Variants in TRIM16 observed in about 807,000 individuals in gnomAD.
The protein encoded by TRIM16 is tripartite motif-containing protein 16.
In TRIM16, 33 loss-of-function variants were observed where a neutral mutation model predicts 50.4. The ratio of observed to expected loss-of-function variants is 0.65; its 90% CI spans 0.50 to 0.88. The LOEUF (loss-of-function observed/expected upper bound fraction) is 0.88, where lower values mean the gene tolerates loss of function less well. Ranked by LOEUF, TRIM16 falls within the 40% of genes least tolerant of loss-of-function variation. The pLI is 0.00. For missense variants in TRIM16, 581 were observed against 686.8 expected, an observed-to-expected ratio of 0.85 and a Z score of 1.72; for synonymous variants, 229 against 270.7, an observed-to-expected ratio of 0.85 and a Z score of 1.51.
At chr17:15,640,878 G>A (rs540033939) in intron 8 of TRIM16, among the ~76,000 whole-genome samples, 2 of 148,734 alleles carry the variant, frequency 1.3e-5, no homozygotes, top group African/African-American at 2.5e-5. Flanking sequence ...GCCCGCTCCC[G>A]ATGACCTCCA....
intron 4 of TRIM16, among the ~76,000 whole-genome samples, chr17:15,677,980 G>A (rs908601256): frequency 6.6e-6 from 1 of 152,170 alleles, no homozygotes. Context: ...CACTTTGGGA[G>A]GCCGAGGTGG....
intron 6 of TRIM16, among the ~76,000 whole-genome samples, chr17:15,655,365 C>T (rs1987924886): frequency 6.6e-6 from 1 of 152,152 alleles, no homozygotes; most frequent in Admixed American, 6.5e-5. Context: ...TCATTCCTTC[C>T]CTCCCTATCT....
chr17:15,652,807 C>T (rs1987790852), intron 6 of TRIM16, among the ~76,000 whole-genome samples: 1 of 151,990 alleles, frequency 6.6e-6, no homozygotes, highest in African/African-American at 2.4e-5. Context: ...TCTTCCTGAA[C>T]ATTCCAGTAA....
At position 15,651,583 on chromosome 17, in the gene TRIM16, T is replaced by C. The variant is rs746761186; in HGVS notation, c.27A>G (p.Pro9=). MAELDLMA[P]GPLPRATAQP... The stretch of plus-strand genomic sequence containing the variant: ...GAGCAGTGGCCCTGGGCAGTGGCCC[T>C]GGAGCCATTAGATCCAACTCAGCCA... Residue 9 remains proline (P), a synonymous_variant, in exon 7 of 12, where the codon CCA becomes CCG. Coordinates refer to ENST00000649191, the MANE Select transcript of TRIM16 (RefSeq NM_001348119.1). 4 of 1,612,982 alleles carry C rather than the reference T, an allele frequency of 2.5e-6. No homozygotes were observed. The highest frequency in any genetic ancestry group is 1.7e-5 in the Admixed American group (1 of 60,002).
chr17:15,652,362 T>A (rs1203781610), intron 6 of TRIM16, among the ~76,000 whole-genome samples: 1 of 147,438 alleles, frequency 6.8e-6, no homozygotes, highest in African/African-American at 2.5e-5. Context: ...GGTTTCACCA[T>A]CTTGGCCAGG....
At chr17:15,665,394 A>T (rs1191619892) in intron 6 of TRIM16, among the ~76,000 whole-genome samples, 1 of 152,202 alleles carries the variant, frequency 6.6e-6, no homozygotes. Flanking sequence ...CTGTAGTCCC[A>T]GCTACTCAGG....
intron 8 of TRIM16, among the ~76,000 whole-genome samples, chr17:15,639,493 C>T (rs1224126067): frequency 6.8e-6 from 1 of 147,928 alleles, no homozygotes; most frequent in African/African-American, 2.5e-5. Context: ...CCAAATTCTT[C>T]CAGCCCACAC....
At chr17:15,664,583 C>T (rs1988392172) in intron 6 of TRIM16, among the ~76,000 whole-genome samples, 1 of 152,182 alleles carries the variant, frequency 6.6e-6, no homozygotes, top group African/African-American at 2.4e-5. Flanking sequence ...CTGTTTAGAT[C>T]TGCGCTCTCT....
At position 15,666,079 on chromosome 17, in the gene TRIM16, A is replaced by C. The variant is rs529687481; in HGVS notation, c.-338+11097T>G. Among the ~76,000 whole-genome samples the C allele has an allele frequency of 1.2e-4, 18 of 152,220 alleles. No homozygotes were observed. The South Asian group carries it at 3.7e-3, about 32-fold the overall frequency. ...CCATTTTACATCTCACACATCTCCAAACCCTTTACCCTTTATATTTCCACT... is the reference window on the plus strand; with the variant it reads ...CCATTTTACATCTCACACATCTCCACACCCTTTACCCTTTATATTTCCACT... On this transcript the variant is annotated intron_variant, in intron 6 of 11. Transcript: ENST00000649191.
intron 6 of TRIM16, among the ~76,000 whole-genome samples, chr17:15,665,036 A>C (rs1221401601): frequency 6.6e-6 from 1 of 150,744 alleles, no homozygotes; most frequent in Non-Finnish European, 1.5e-5. Flanking sequence ...CGTCTCAAAA[A>C]AAAAAAAAAA....
chr17:15,678,790 G>A (rs1459731326), intron 4 of TRIM16, among the ~76,000 whole-genome samples: 1 of 151,824 alleles, frequency 6.6e-6, no homozygotes, highest in Admixed American at 6.6e-5. Context: ...ATAATAAAAA[G>A]TTCAAATACA....
Position 15,670,697 on chromosome 17 carries a change from T to A in TRIM16, c.-338+6479A>T, listed in dbSNP as rs1988690094. ...CCACTGTAGGCTTTCTATACAATTG[T>A]AAGTATTTTCTCCACTGAAGATTAT... On this transcript the variant is annotated intron_variant, in intron 6 of 11. Coordinates refer to ENST00000649191, the MANE Select transcript of TRIM16 (RefSeq NM_001348119.1). 2.1e-5 allele frequency among the ~76,000 whole-genome samples: 3 copies of A among 145,600 alleles called. No individual in the cohort carries two copies. In the South Asian group the frequency reaches 6.2e-4, roughly 30 times the overall value.
rs1471571382 is a variant in TRIM16 at position 15,628,453 on chromosome 17, C to G, written c.*162G>C. On this transcript the variant is annotated 3_prime_UTR_variant, in exon 12 of 12. Coordinates refer to ENST00000649191, the MANE Select transcript of TRIM16 (RefSeq NM_001348119.1). ...ACTGCAAACACATAGAGAACAGCAC[C>G]ATATGGAGCAAAAGAGAGCAGCTGG... 4.7e-6 allele frequency: 3 copies of G among 632,416 alleles called. No individual in the cohort carries two copies. Among genetic ancestry groups the G allele is most frequent in the Non-Finnish European group, 8.1e-6 (3 of 369,822 alleles). The allele number at this position is 632,416 out of a possible 1,614,324, so 39.2% of individuals were successfully genotyped here.
At position 15,682,830 on chromosome 17, in the gene TRIM16, C is replaced by T. The variant is rs942045368; in HGVS notation, c.-679+24G>A. 2.1e-5 allele frequency: 30 copies of T among 1,403,236 alleles called. No individual in the cohort carries two copies. The African/African-American group carries it at 3.8e-4, about 18-fold the overall frequency. The allele number at this position is 1,403,236 out of a possible 1,614,324, so 86.9% of individuals were successfully genotyped here. A position where few individuals can be genotyped will look rare whatever the true frequency, so the allele number is the denominator to read the frequency against. On this transcript the variant is annotated intron_variant, in intron 3 of 11. Coordinates refer to ENST00000649191, the MANE Select transcript of TRIM16 (RefSeq NM_001348119.1). ...AATTAAAAGGGAATATTAGTAAAATCACCACCATTCTTCGCACACTCACCA... is the reference window on the plus strand; with the variant it reads ...AATTAAAAGGGAATATTAGTAAAATTACCACCATTCTTCGCACACTCACCA...
rs555682979 is a variant in TRIM16 at position 15,681,736 on chromosome 17, C to T, written c.-678-783G>A. 2.0e-5 allele frequency among the ~76,000 whole-genome samples: 3 copies of T among 152,368 alleles called. No homozygotes were observed. The South Asian group carries it at 6.2e-4, about 32-fold the overall frequency. ...CGCTTATCTCTAGGTAGTAGGGTTA[C>T]ATGCTATTTATCTTATTCTACATAT... On this transcript the variant is annotated intron_variant, in intron 3 of 11. Transcript: ENST00000649191.
chr17:15,638,502 G>A (rs1441594520), intron 8 of TRIM16, among the ~76,000 whole-genome samples: 3 of 149,084 alleles, frequency 2.0e-5, no homozygotes, highest in African/African-American at 5.0e-5. Context: ...CCTAGGAAGC[G>A]GAGCTTGCAG....
In TRIM16 at chr17:15,682,851, C is replaced by T; in HGVS notation, c.-679+3G>A. On this transcript the variant is annotated splice_donor_region_variant and intron_variant, in intron 3 of 11. Transcript: ENST00000649191. ...AAATCACCACCATTCTTCGCACACT[C>T]ACCACGCACCAGGTGCTTTCCATAA... 7.0e-7 allele frequency: 1 copy of T among 1,432,202 alleles called. No individual in the cohort carries two copies. Among genetic ancestry groups the T allele is most frequent in the Non-Finnish European group, 9.1e-7 (1 of 1,097,526 alleles). The allele number at this position is 1,432,202 out of a possible 1,614,324, so 88.7% of individuals were successfully genotyped here.
At chr17:15,634,817 C>G (rs1188673773) in intron 9 of TRIM16, among the ~76,000 whole-genome samples, 1 of 148,808 alleles carries the variant, frequency 6.7e-6, no homozygotes, top group African/African-American at 2.5e-5. Context: ...TCTCAAAAAA[C>G]AACACACACA....
intron 9 of TRIM16, 42 bp downstream of exon 9, chr17:15,635,994 T>C (rs780428398): frequency 1.8e-5 from 29 of 1,604,890 alleles, no homozygotes; most frequent in Non-Finnish European, 2.3e-5. Context: ...GGGTGCTTCA[T>C]GGGGCAGCTG....
Sources: gnomAD v4.1 joint callset for allele counts (sites outside exome capture counted in the v4.1 genomes callset) on GRCh38, gnomAD v4.1.1 for gene constraint, MANE v1.5 for transcripts, NCBI Gene and HGNC (gene_info 2026-07-23, HGNC 2026-07-21) for gene names.